The following CD101 variants were observed in gnomAD, a reference collection of about 807,000 sequenced individuals.
CD101 encodes the protein immunoglobulin superfamily member 2.
A neutral mutation model predicts 98.2 loss-of-function variants in CD101; 76 were observed. The observed-to-expected ratio is 0.77, with a 90% confidence interval of 0.64 to 0.94. The LOEUF (loss-of-function observed/expected upper bound fraction) is 0.94, where lower values mean the gene tolerates loss of function less well. Among genes scored for constraint, CD101 ranks in the 40% least tolerant of loss-of-function variants. The pLI, the probability that CD101 is intolerant of heterozygous loss-of-function variation, is 0.00. For missense variants in CD101, 1,145 were observed against 1,218.8 expected, an observed-to-expected ratio of 0.94 and a Z score of 0.90; for synonymous variants, 471 against 472.7, an observed-to-expected ratio of 1.00 and a Z score of 0.05.
At chr1:117,025,435 A>G in intron 7 of CD101, 74 bp from the exon 8 acceptor site, 1 of 1,285,732 alleles carries the variant, frequency 7.8e-7, no homozygotes, top group Non-Finnish European at 1.1e-6. Flanking sequence ...TCCCAGTGAG[A>G]ACTAGATTTT....
rs567877510 is a variant in CD101, at chr1:117,004,791, T to C, written c.43+2931T>C. On this transcript the variant is annotated intron_variant, in intron 1 of 9. Transcript: ENST00000682167. This position sits in a 1 kb window ranked among gnomAD's most constrained non-coding sequence, Gnocchi z 4.1. ...AAAAATACCTTTGAAATCTCCACAC[T>C]ATTTCTTTCACTTTTCTCAGAAAGT... is the stretch of plus-strand genomic sequence containing the variant. Among the ~76,000 whole-genome samples the C allele has an allele frequency of 2.0e-5, 3 of 152,068 alleles. No homozygotes were observed. Among genetic ancestry groups the C allele is most frequent in the South Asian group, 2.1e-4 (1 of 4,818 alleles).
intron 4 of CD101, among the ~76,000 whole-genome samples, chr1:117,014,926 A>G (rs760183556): frequency 6.6e-6 from 1 of 152,236 alleles, no homozygotes; most frequent in Non-Finnish European, 1.5e-5. Flanking sequence ...AATATAGGTG[A>G]GTTCACATAT....
rs1334118261 is a variant in CD101 at position 117,021,557 on chromosome 1, A to AT, written c.2018-9dup. The stretch of plus-strand genomic sequence containing the variant: ...TATTTCATAGCAAAGTAACTGTTTC[A>AT]TTTTTTTAAATTTAGAGAGCAAGCT... On this transcript the variant is annotated splice_polypyrimidine_tract_variant and intron_variant, in intron 6 of 9. Coordinates refer to ENST00000682167, the MANE Select transcript of CD101 (RefSeq NM_001256106.3). This position sits in a 1 kb window ranked among gnomAD's most constrained non-coding sequence, Gnocchi z 4.7. 9 of 1,546,390 alleles carry AT rather than the reference A, an allele frequency of 5.8e-6. No homozygotes were observed. The highest frequency in any genetic ancestry group is 5.1e-5 in the South Asian group (4 of 78,248).
rs1006217289 is a variant in CD101 at position 117,012,165 on chromosome 1, T to G, written c.841+199T>G. ...CAGTTCTGGCTCTGCCCACGGATTC[T>G]TTATGGGATAAGGTCTACTGAGTGG... On this transcript the variant is annotated intron_variant, in intron 3 of 9. Coordinates refer to ENST00000682167, the MANE Select transcript of CD101 (RefSeq NM_001256106.3). This position sits in a 1 kb window ranked among gnomAD's most constrained non-coding sequence, Gnocchi z 4.0. Among the ~76,000 whole-genome samples, 1 of 152,244 alleles carries G rather than the reference T, an allele frequency of 6.6e-6. No individual in the cohort carries two copies. The highest frequency in any genetic ancestry group is 6.5e-5 in the Admixed American group (1 of 15,288).
intron 8 of CD101, among the ~76,000 whole-genome samples, chr1:117,028,389 A>G (rs1459001032): frequency 2.0e-5 from 3 of 152,224 alleles, no homozygotes; most frequent in Non-Finnish European, 4.4e-5. Context: ...AAGCAAGGTA[A>G]TATATGAGAG....
At chr1:117,007,143 T>TAAAATAATTTTAAAATAAATTTA (rs990443046) in intron 1 of CD101, among the ~76,000 whole-genome samples, 37 of 152,136 alleles carry the variant, frequency 2.4e-4, no homozygotes, top group Non-Finnish European at 4.6e-4. Flanking sequence ...ATTATTTGTT[T>TAAAATAATTTTAAAATAAATTTA]AAAATAATTT....
rs376679100 is a variant in CD101, at chr1:117,034,030, G to A, written c.2995G>A (p.Val999Met). 1.2e-6 allele frequency: 2 copies of A among 1,614,044 alleles called. No homozygotes were observed. Among genetic ancestry groups the A allele is most frequent in the Admixed American group, 1.7e-5 (1 of 60,000 alleles). ...SNTRKEKALW[V>M]DLKEAGGVTT... ...CACACGGAAAGAAAAAGCTCTCTGG[G>A]TGGACTTGAAAGAGGCTGGAGGTGT... The change falls in exon 9 of 10, where the codon GTG becomes ATG. Residue 999 changes from valine to methionine, a missense_variant. Val to Met is a conservative substitution (Grantham distance 21). Coordinates refer to ENST00000682167, the MANE Select transcript of CD101 (RefSeq NM_001256106.3).
At chr1:117,003,944 C>A (rs1268641045) in intron 1 of CD101, among the ~76,000 whole-genome samples, 1 of 152,116 alleles carries the variant, frequency 6.6e-6, no homozygotes, top group Non-Finnish European at 1.5e-5. Flanking sequence ...ATCTATTGAT[C>A]AATTACATTG....
chr1:117,025,992 C>CCTT lies in CD101; in HGVS notation c.2824+91_2824+93dup, dbSNP rs141169705. 6.3e-3 allele frequency: 8,897 copies of CCTT among 1,401,106 alleles called. 233 individuals are homozygous for CCTT. In the African/African-American group the frequency reaches 0.081, roughly 13 times the overall value. The allele number at this position is 1,401,106 out of a possible 1,614,324, so 86.8% of individuals were successfully genotyped here. A position where few individuals can be genotyped will look rare whatever the true frequency, so the allele number is the denominator to read the frequency against. ...CTCTCCCTCTCACCTATCTTTTGCT[C>CCTT]CTTCTGAAGACAATTTTCAGACTGA... On this transcript the variant is annotated intron_variant, in intron 8 of 9. Transcript: ENST00000682167.
chr1:117,007,852 A>G (rs888414869), intron 1 of CD101, among the ~76,000 whole-genome samples: 1 of 152,210 alleles, frequency 6.6e-6, no homozygotes, highest in Non-Finnish European at 1.5e-5. Context: ...TTTTGTTTCT[A>G]TATAACATTC....
At chr1:117,002,325 G>A (rs553922767) in intron 1 of CD101, among the ~76,000 whole-genome samples, 1 of 152,340 alleles carries the variant, frequency 6.6e-6, no homozygotes, top group East Asian at 1.9e-4. Context: ...GCTAAAAGAA[G>A]GTTCTAGATT....
chr1:117,026,750 C>T (rs908458310), intron 8 of CD101: 3 of 152,108 alleles, frequency 2.0e-5, no homozygotes, highest in African/African-American at 7.2e-5. Flanking sequence ...TTTGTGAGAT[C>T]CTTGTAAAAC....
chr1:117,030,654 A>G (rs928385763), intron 8 of CD101, among the ~76,000 whole-genome samples: 2 of 152,228 alleles, frequency 1.3e-5, no homozygotes, highest in Non-Finnish European at 2.9e-5. Flanking sequence ...TAATGAAAGA[A>G]TGAGCAGGCA....
intron 1 of CD101, among the ~76,000 whole-genome samples, chr1:117,008,490 G>T (rs142359524): frequency 1.7e-3 from 261 of 152,158 alleles, no homozygotes; most frequent in Middle Eastern, 6.8e-3. Flanking sequence ...TACTAGAAAT[G>T]TGTGTGGTTG....
chr1:117,032,895 G>T (rs552905061), intron 8 of CD101: 1 of 152,390 alleles, frequency 6.6e-6, no homozygotes, highest in South Asian at 2.1e-4. Context: ...GCTTCCCGGC[G>T]GACTGCAGCT....
At chr1:117,035,910 A>C (rs907307513) in intron 9 of CD101, among the ~76,000 whole-genome samples, 3 of 152,096 alleles carry the variant, frequency 2.0e-5, no homozygotes, top group Non-Finnish European at 4.4e-5. Context: ...CCTGTATTTT[A>C]ATTCAAAGGG....
chr1:117,011,508 A>C, intron 2 of CD101, 42 bp from the exon 3 acceptor site: 4 of 1,550,622 alleles, frequency 2.6e-6, no homozygotes, highest in Non-Finnish European at 3.5e-6. Flanking sequence ...CCACTGGACA[A>C]GCACTGGGCC....
rs891423461 is a variant in CD101 at position 117,023,418 on chromosome 1, C to T, written c.2428+1435C>T. Among the ~76,000 whole-genome samples the T allele has an allele frequency of 6.6e-6, 1 of 151,942 alleles. No homozygotes were observed. The highest frequency in any genetic ancestry group is 2.1e-4 in the South Asian group (1 of 4,812). ...GAGAATGTCCACAACTAATTCACTT[C>T]TTCTTTTTCTTTTTTTTTAGACGGA... On this transcript the variant is annotated intron_variant, in intron 7 of 9. Coordinates refer to ENST00000682167, the MANE Select transcript of CD101 (RefSeq NM_001256106.3). This position sits in a 1 kb window ranked among gnomAD's most constrained non-coding sequence, Gnocchi z 4.4.
At chr1:117,032,644 G>C (rs1356169728) in intron 8 of CD101, 1 of 152,248 alleles carries the variant, frequency 6.6e-6, no homozygotes, top group Non-Finnish European at 1.5e-5. Flanking sequence ...CACAGCTACA[G>C]TTAGCATTGA....
Sources: gnomAD v4.1 joint callset for allele counts (sites outside exome capture counted in the v4.1 genomes callset) on GRCh38, gnomAD v4.1.1 for gene constraint, Gnocchi (gnomAD v3.1) non-coding constraint, MANE v1.5 for transcripts, NCBI Gene and HGNC (gene_info 2026-07-23, HGNC 2026-07-21) for gene names.